Variants in ZAP70 observed in about 807,000 individuals in gnomAD.
ZAP70 encodes zeta chain of T cell receptor associated protein kinase 70.
A neutral mutation model predicts 65.8 loss-of-function variants in ZAP70; 27 were observed. The ratio of observed to expected loss-of-function variants is 0.41; its 90% CI spans 0.30 to 0.57. ZAP70 has a LOEUF of 0.57. ZAP70 is among the 20% of genes least tolerant of loss of function. The pLI is 0.28. For synonymous variants in ZAP70, 363 were observed against 360.8 expected (o/e 1.01, Z -0.07); for missense variants, 696 against 870.5 (o/e 0.80, Z 2.52).
At chr2:97,745,419 A>G in the ZAP70 span, among the ~76,000 whole-genome samples, 2 of 152,262 alleles carry the variant, frequency 1.3e-5, no homozygotes, top group Non-Finnish European at 2.9e-5. Flanking sequence ...CAAATCATTT[A>G]TCTGATAAGG....
intron 4 of ZAP70, 21 bp from the exon 5 acceptor site, chr2:97,732,862 T>G (rs369221470): frequency 1.7e-5 from 28 of 1,613,364 alleles, no homozygotes; most frequent in Admixed American, 3.3e-5. Flanking sequence ...AGGGGTTACA[T>G]CCCCTCCCTT....
chr2:97,750,306 G>T, the ZAP70 span, among the ~76,000 whole-genome samples: 6 of 152,358 alleles, frequency 3.9e-5, no homozygotes, highest in East Asian at 1.2e-3. Context: ...GTGAGCTGGG[G>T]TGTCTCCTAA....
chr2:97,755,342 C>T, the ZAP70 span, among the ~76,000 whole-genome samples: 14 of 152,132 alleles, frequency 9.2e-5, no homozygotes, highest in Non-Finnish European at 1.6e-4. Flanking sequence ...ACCTTACAGG[C>T]TTGGCTAAGT....
the ZAP70 span, among the ~76,000 whole-genome samples, chr2:97,754,392 A>G: frequency 6.6e-6 from 1 of 151,992 alleles, no homozygotes; most frequent in Non-Finnish European, 1.5e-5. Flanking sequence ...GTCTGCCAAT[A>G]CAGTTTTTTT....
At chr2:97,745,101 C>A in the ZAP70 span, among the ~76,000 whole-genome samples, 1 of 152,174 alleles carries the variant, frequency 6.6e-6, no homozygotes, top group Non-Finnish European at 1.5e-5. Context: ...TGCAGTGGTG[C>A]AATCTCGGCT....
At chr2:97,752,728 A>G in the ZAP70 span, among the ~76,000 whole-genome samples, 2 of 152,250 alleles carry the variant, frequency 1.3e-5, no homozygotes, top group Non-Finnish European at 2.9e-5. Flanking sequence ...TTCCTAAAGC[A>G]TTCAAATTTT....
intron 2 of ZAP70, among the ~76,000 whole-genome samples, chr2:97,723,319 C>G (rs1367970685): frequency 6.6e-6 from 1 of 152,228 alleles, no homozygotes; most frequent in Admixed American, 6.5e-5. Context: ...AAAGGGTCAG[C>G]GGAAGGGACA....
chr2:97,743,141 G>A (rs190975071), downstream of ZAP70, among the ~76,000 whole-genome samples: 3 of 152,242 alleles, frequency 2.0e-5, no homozygotes, highest in Admixed American at 6.5e-5. Context: ...CATCCTCCTC[G>A]GAACCAAACT....
intron 2 of ZAP70, among the ~76,000 whole-genome samples, chr2:97,723,428 C>A (rs1677239147): frequency 6.6e-6 from 1 of 152,252 alleles, no homozygotes; most frequent in Admixed American, 6.5e-5. Context: ...CTGTCCCGCG[C>A]GCTTTTTGAA....
chr2:97,717,356 G>A (rs1676970008), intron 2 of ZAP70, among the ~76,000 whole-genome samples: 1 of 142,798 alleles, frequency 7.0e-6, no homozygotes, highest in African/African-American at 2.9e-5. Context: ...GACATGCGGA[G>A]CCTCTGGCTG....
chr2:97,749,767 T>A, the ZAP70 span, among the ~76,000 whole-genome samples: 1 of 152,186 alleles, frequency 6.6e-6, no homozygotes, highest in Non-Finnish European at 1.5e-5. Flanking sequence ...GCTGCCGCAG[T>A]TCTGCTGAGA....
chr2:97,714,146 A>G (rs1291716386), intron 2 of ZAP70, among the ~76,000 whole-genome samples, 152 bp downstream of exon 2: 1 of 152,100 alleles, frequency 6.6e-6, no homozygotes, highest in Admixed American at 6.5e-5. Flanking sequence ...CTGGCTGGAG[A>G]TGGAGGCAGA....
In ZAP70 at chr2:97,724,275, C is replaced by T. The variant is rs113994172; in HGVS notation, c.239C>T (p.Pro80Leu). 5.0e-6 allele frequency: 8 copies of T among 1,603,246 alleles called. No homozygotes were observed. Among genetic ancestry groups the T allele is most frequent in the Admixed American group, 3.4e-5 (2 of 59,602 alleles). The change falls in exon 3 of 14, where the codon CCG becomes CTG. Residue 80 changes from proline to leucine, a missense_variant. Coordinates refer to ENST00000264972, the MANE Select transcript of ZAP70 (RefSeq NM_001079.4). ...AIAGGKAHCG[P>L]AELCEFYSRD... ...GCCGGCGGCAAAGCGCACTGTGGAC[C>T]GGCAGAGCTCTGCGAGTTCTACTCG...
In ZAP70 at chr2:97,715,465, C is replaced by A. The variant is rs538754882; in HGVS notation, c.-22+1471C>A. Among the ~76,000 whole-genome samples, 55 of 152,294 alleles carry A rather than the reference C, an allele frequency of 3.6e-4. No homozygotes were observed. Among genetic ancestry groups the A allele is most frequent in the Non-Finnish European group, 6.5e-4 (44 of 68,028 alleles). ...ACAGAGCCTGAGGCCCAGAGAGGGACCGCTGCTTGCTGAGGTCACACAGGC... is the reference window on the plus strand; with the variant it reads ...ACAGAGCCTGAGGCCCAGAGAGGGAACGCTGCTTGCTGAGGTCACACAGGC... On this transcript the variant is annotated intron_variant, in intron 2 of 13. Transcript: ENST00000264972. The surrounding 1 kb of genome is among the most constrained non-coding windows in gnomAD (Gnocchi z 4.1).
chr2:97,735,351 A>G lies in ZAP70; in HGVS notation c.1184A>G (p.Asn395Ser), dbSNP rs754732382. The stretch of plus-strand genomic sequence containing the variant: ...GCGCAGATCATGCACCAGCTGGACA[A>G]CCCCTACATCGTGCGGCTCATTGGC... Reference protein sequence around the residue: ...REAQIMHQLDNPYIVRLIGVC... With the variant: ...REAQIMHQLDSPYIVRLIGVC... The change falls in exon 10 of 14, where the codon AAC (asparagine) becomes AGC (serine). Residue 395 changes from asparagine to serine, a missense_variant. Coordinates refer to ENST00000264972, the MANE Select transcript of ZAP70 (RefSeq NM_001079.4). 1 of 1,614,050 alleles carries G rather than the reference A, an allele frequency of 6.2e-7. No homozygotes were observed. Among genetic ancestry groups the G allele is most frequent in the South Asian group, 1.1e-5 (1 of 91,090 alleles).
chr2:97,730,617 G>C (rs1454272296), intron 4 of ZAP70, among the ~76,000 whole-genome samples: 1 of 152,192 alleles, frequency 6.6e-6, no homozygotes, highest in Non-Finnish European at 1.5e-5. Context: ...AAGGCACATG[G>C]TCAAGCCCTG....
At chr2:97,734,164 G>T (rs868089992) in intron 8 of ZAP70, 2 of 339,010 alleles carry the variant, frequency 5.9e-6, no homozygotes, top group Non-Finnish European at 1.1e-5. Flanking sequence ...TGGAGGCCTC[G>T]TAAATGTGGC....
chr2:97,725,702 C>T (rs1376081893), intron 4 of ZAP70, among the ~76,000 whole-genome samples: 1 of 152,140 alleles, frequency 6.6e-6, no homozygotes, highest in Non-Finnish European at 1.5e-5. Context: ...TGGTGGTAAG[C>T]GCCGTGTGTG....
At position 97,732,916 on chromosome 2, in the gene ZAP70, C is replaced by T; in HGVS notation, c.597C>T (p.Ala199=). 6.2e-7 allele frequency: 1 copy of T among 1,614,020 alleles called. No individual in the cohort carries two copies. The highest frequency in any genetic ancestry group is 8.5e-7 in the Non-Finnish European group (1 of 1,180,026). The change falls in exon 5 of 14, where the codon GCC becomes GCT. Residue 199 remains alanine, a synonymous_variant. Coordinates refer to ENST00000264972, the MANE Select transcript of ZAP70 (RefSeq NM_001079.4). ...CGCGGAAGGAGCAGGGCACATACGC[C>T]CTGTCCCTCATCTATGGGAAGACGG... ...LRPRKEQGTY[A]LSLIYGKTVY...
Sources: gnomAD v4.1 joint callset for allele counts (sites outside exome capture counted in the v4.1 genomes callset) on GRCh38, gnomAD v4.1.1 for gene constraint, Gnocchi (gnomAD v3.1) non-coding constraint, MANE v1.5 for transcripts, NCBI Gene and HGNC (gene_info 2026-07-23, HGNC 2026-07-21) for gene names.